The following CHMP2B variants were observed in gnomAD, a reference collection of about 807,000 sequenced individuals.
CHMP2B encodes the protein charged multivesicular body protein 2B.
Under a neutral mutation model 29.8 loss-of-function variants are expected in CHMP2B, and 22 were observed. The ratio of observed to expected loss-of-function variants is 0.74; its 90% CI spans 0.53 to 1.05. CHMP2B has a LOEUF of 1.05. Ranked by LOEUF, CHMP2B falls within the 50% of genes least tolerant of loss-of-function variation. CHMP2B has a pLI of 0.00. For synonymous variants in CHMP2B, 78 were observed against 75.8 expected, an observed-to-expected ratio of 1.03 and a Z score of -0.15; for missense variants, 261 against 252.2, an observed-to-expected ratio of 1.03 and a Z score of -0.24.
chr3:87,234,599 A>G (rs1705965029), intron 1 of CHMP2B, among the ~76,000 whole-genome samples: 1 of 152,210 alleles, frequency 6.6e-6, no homozygotes, highest in Admixed American at 6.5e-5. Context: ...TAAGAGAGAG[A>G]ATATACCATA....
At chr3:87,230,046 A>G (rs560053012) in intron 1 of CHMP2B, among the ~76,000 whole-genome samples, 8 of 152,236 alleles carry the variant, frequency 5.3e-5, no homozygotes, top group South Asian at 2.1e-4. Flanking sequence ...TTTTTCTTTT[A>G]CCTGTGTAAG....
intron 1 of CHMP2B, among the ~76,000 whole-genome samples, chr3:87,233,172 T>G (rs1705937012): frequency 6.6e-6 from 1 of 152,158 alleles, no homozygotes; most frequent in Non-Finnish European, 1.5e-5. Context: ...TTTGTTCTTT[T>G]TGTTTTCTAT....
intron 4 of CHMP2B, 106 bp downstream of exon 4, chr3:87,250,083 C>T (rs779384071): frequency 1.5e-6 from 1 of 680,352 alleles, no homozygotes; most frequent in African/African-American, 1.8e-5. Context: ...AATGATGAAA[C>T]CAAAGATGAT....
intron 2 of CHMP2B, among the ~76,000 whole-genome samples, chr3:87,244,646 A>T (rs1706180804): frequency 6.6e-6 from 1 of 151,658 alleles, no homozygotes; most frequent in South Asian, 2.1e-4. Flanking sequence ...TATTTTTCTT[A>T]TGAATTTTGA....
intron 1 of CHMP2B, 118 bp from the exon 2 acceptor site, chr3:87,240,581 G>A: frequency 2.7e-6 from 2 of 732,794 alleles, no homozygotes; most frequent in Non-Finnish European, 4.9e-6. Flanking sequence ...ACAGGCATGA[G>A]CCACTGCGCC....
Position 87,253,890 on chromosome 3 carries a change from C to T in CHMP2B, c.*68C>T. On this transcript the variant is annotated 3_prime_UTR_variant, in exon 6 of 6. Transcript: ENST00000263780. ...TATAAACCAAGCACAGTGCAGATTT[C>T]TTTTACAAAACACATGTATTTTGCA... 5 of 1,017,752 alleles carry T rather than the reference C, an allele frequency of 4.9e-6. No homozygotes were observed. 63.0% of individuals were successfully genotyped at this position (1,017,752 alleles called of 1,614,324 possible).
At chr3:87,231,755 G>A (rs1370413053) in intron 1 of CHMP2B, among the ~76,000 whole-genome samples, 1 of 151,962 alleles carries the variant, frequency 6.6e-6, no homozygotes, top group Non-Finnish European at 1.5e-5. Flanking sequence ...TGCTTTTGAT[G>A]CCCTTATGCC....
In CHMP2B at chr3:87,245,895, C is replaced by G; in HGVS notation, c.308C>G (p.Ser103Cys). 3.7e-6 allele frequency: 6 copies of G among 1,611,276 alleles called. No individual in the cohort carries two copies. Among genetic ancestry groups the G allele is most frequent in the African/African-American group, 1.3e-5 (1 of 74,952 alleles). ...CAAATGAAGATGGCTGGAGCAATGT[C>G]TACTACAGCAAAAGTAAGTGAGAGC... ...NSQMKMAGAM[S>C]TTAKTMQAVN... The change falls in exon 3 of 6, where the codon TCT becomes TGT. Residue 103 changes from serine (S) to cysteine (C), a missense_variant. Ser to Cys is a moderately radical substitution (Grantham distance 112). Transcript: ENST00000263780.
At chr3:87,250,349 T>C (rs371953603) in intron 4 of CHMP2B, among the ~76,000 whole-genome samples, 370 of 152,086 alleles carry the variant, frequency 2.4e-3, no homozygotes, top group African/African-American at 8.4e-3. Context: ...TCACTTTTTT[T>C]CCCTCTCACA....
At chr3:87,252,707 T>C (rs1706337700) in intron 4 of CHMP2B, among the ~76,000 whole-genome samples, 2 of 151,996 alleles carry the variant, frequency 1.3e-5, no homozygotes, top group Admixed American at 6.6e-5. Context: ...CCATTGTATT[T>C]ATATTGCATT....
intron 3 of CHMP2B, among the ~76,000 whole-genome samples, chr3:87,247,290 C>T (rs534555804): frequency 1.3e-5 from 2 of 152,244 alleles, no homozygotes; most frequent in Admixed American, 6.5e-5. Flanking sequence ...CTGATTTGCT[C>T]ATATTGAGCT....
intron 1 of CHMP2B, 65 bp from the exon 2 acceptor site, chr3:87,240,634 G>A: frequency 9.2e-7 from 1 of 1,084,380 alleles, no homozygotes; most frequent in Non-Finnish European, 1.4e-6. Context: ...TGTGAATCCA[G>A]TATTTTAAAT....
intron 2 of CHMP2B, 112 bp from the exon 3 acceptor site, chr3:87,245,602 C>A: frequency 1.1e-6 from 1 of 870,542 alleles, no homozygotes; most frequent in East Asian, 2.7e-5. Flanking sequence ...TTCCCCTCTT[C>A]ATGATCGGGG....
intron 4 of CHMP2B, chr3:87,253,161 A>T (rs1706346490): frequency 5.2e-6 from 2 of 387,458 alleles, no homozygotes; most frequent in South Asian, 5.8e-5. Flanking sequence ...TTAATTTTTT[A>T]AAAAAGAGTA....
intron 4 of CHMP2B, among the ~76,000 whole-genome samples, chr3:87,251,547 G>A (rs1027688296): frequency 1.8e-4 from 27 of 151,904 alleles, no homozygotes; most frequent in Non-Finnish European, 3.5e-4. Flanking sequence ...TGCATAGCAA[G>A]TTAGTCTGTA....
At chr3:87,241,165 G>T (rs1013003315) in intron 2 of CHMP2B, among the ~76,000 whole-genome samples, 5 of 152,094 alleles carry the variant, frequency 3.3e-5, no homozygotes, top group African/African-American at 9.7e-5. Flanking sequence ...AGTCTTGCTT[G>T]ATATTTTAAA....
At chr3:87,251,285 T>C (rs1442141086) in intron 4 of CHMP2B, among the ~76,000 whole-genome samples, 2 of 151,962 alleles carry the variant, frequency 1.3e-5, no homozygotes, top group East Asian at 3.8e-4. Flanking sequence ...CTATGAGTTT[T>C]TTCAGGTTGT....
At position 87,245,888 on chromosome 3, in the gene CHMP2B, G is replaced by T; in HGVS notation, c.301G>T (p.Ala101Ser). 1 of 1,612,804 alleles carries T rather than the reference G, an allele frequency of 6.2e-7. No homozygotes were observed. The highest frequency in any genetic ancestry group is 8.5e-7 in the Non-Finnish European group (1 of 1,179,374). ...VMNSQMKMAG[A>S]MSTTAKTMQA... ...GAATTCCCAAATGAAGATGGCTGGAGCAATGTCTACTACAGCAAAAGTAAG... is the reference window on the plus strand; with the variant it reads ...GAATTCCCAAATGAAGATGGCTGGATCAATGTCTACTACAGCAAAAGTAAG... The change falls in exon 3 of 6, where the codon GCA becomes TCA. Residue 101 changes from alanine to serine, a missense_variant. Coordinates refer to ENST00000263780, the MANE Select transcript of CHMP2B (RefSeq NM_014043.4).
chr3:87,238,290 A>G lies in CHMP2B; in HGVS notation c.35-2409A>G, dbSNP rs538378871. Among the ~76,000 whole-genome samples the G allele has an allele frequency of 3.5e-4, 54 of 152,324 alleles. 1 individual carries two copies. In the South Asian group the frequency reaches 7.2e-3, roughly 20 times the overall value. On this transcript the variant is annotated intron_variant, in intron 1 of 5. Coordinates refer to ENST00000263780, the MANE Select transcript of CHMP2B (RefSeq NM_014043.4). ...GTGGCATTTAGTACATTCATTCACA[A>G]TGGTGTGTTACCACTACCTGTATCT...
Sources: allele counts gnomAD v4.1 joint callset (sites outside exome capture counted in the v4.1 genomes callset), GRCh38; gene constraint gnomAD v4.1.1; transcripts MANE v1.5; gene names NCBI Gene and HGNC (gene_info 2026-07-23, HGNC 2026-07-21).